Variants in SCO1 observed in about 807,000 individuals in gnomAD.
SCO1 encodes the protein cytochrome c oxidase assembly factor SCO1.
In SCO1, 23 loss-of-function variants were observed where a neutral mutation model predicts 34.0. The observed-to-expected ratio is 0.68, with a 90% CI of 0.49 to 0.96. The LOEUF (loss-of-function observed/expected upper bound fraction) is 0.96, where lower values mean the gene tolerates loss of function less well. SCO1 is among the 40% of genes least tolerant of loss of function. The pLI, the probability that SCO1 is intolerant of heterozygous loss-of-function variation, is 0.00. For missense variants in SCO1, 404 were observed against 381.6 expected (o/e 1.06, Z -0.49); for synonymous variants, 161 against 145.5 (o/e 1.11, Z -0.77).
intron 4 of SCO1, among the ~76,000 whole-genome samples, chr17:10,690,722 G>C (rs2074684502): frequency 6.6e-6 from 1 of 152,214 alleles, no homozygotes; most frequent in Non-Finnish European, 1.5e-5. Context: ...GTATATTGAA[G>C]AGGCGTCTGC....
chr17:10,684,564 A>C (rs1436968224), intron 5 of SCO1, among the ~76,000 whole-genome samples: 1 of 152,200 alleles, frequency 6.6e-6, no homozygotes, highest in African/African-American at 2.4e-5. Context: ...TAAGTTTTGC[A>C]GGCTGTTTGG....
chr17:10,696,389 G>A (rs888206779), intron 1 of SCO1, among the ~76,000 whole-genome samples: 6 of 152,122 alleles, frequency 3.9e-5, no homozygotes, highest in African/African-American at 1.4e-4. Context: ...ACGTTGCAGT[G>A]GGCCGAGATA....
At chr17:10,691,691 AC>A (rs2074689908) in intron 4 of SCO1, among the ~76,000 whole-genome samples, 180 bp downstream of exon 4, 1 of 152,146 alleles carries the variant, frequency 6.6e-6, no homozygotes, top group African/African-American at 2.4e-5. Flanking sequence ...GAATTGAGAA[AC>A]CCATTTCTTA....
Position 10,681,032 on chromosome 17 carries a change from T to C in SCO1, c.*87A>G. 2 of 1,451,644 alleles carry C rather than the reference T, an allele frequency of 1.4e-6. No homozygotes were observed. Among genetic ancestry groups the C allele is most frequent in the Non-Finnish European group, 9.7e-7 (1 of 1,032,956 alleles). The allele number at this position is 1,451,644 out of a possible 1,614,324, so 89.9% of individuals were successfully genotyped here. A position where few individuals can be genotyped will look rare whatever the true frequency, so the allele number is the denominator to read the frequency against. ...AAGGCCATTCTGTAGAGTGCACGTATATATGTTTATATTTATATAGGCTCC... is the reference window on the plus strand; with the variant it reads ...AAGGCCATTCTGTAGAGTGCACGTACATATGTTTATATTTATATAGGCTCC... On this transcript the variant is annotated 3_prime_UTR_variant, in exon 6 of 6. Coordinates refer to ENST00000255390, the MANE Select transcript of SCO1 (RefSeq NM_004589.4).
intron 4 of SCO1, among the ~76,000 whole-genome samples, 163 bp from the exon 5 acceptor site, chr17:10,687,005 A>AGAG (rs1736939127): frequency 6.6e-6 from 1 of 152,234 alleles, no homozygotes; most frequent in Non-Finnish European, 1.5e-5. Flanking sequence ...AGAAATTCAC[A>AGAG]AAGAACAAAT....
intron 4 of SCO1, among the ~76,000 whole-genome samples, chr17:10,687,823 G>C (rs139988124): frequency 6.6e-6 from 1 of 152,106 alleles, no homozygotes; most frequent in Non-Finnish European, 1.5e-5. Context: ...TGGTGTTTTG[G>C]TTAGGTACAG....
At chr17:10,695,600 T>C (rs566985321) in intron 2 of SCO1, 141 bp downstream of exon 2, 15 of 637,118 alleles carry the variant, frequency 2.4e-5, no homozygotes, top group South Asian at 2.2e-4. Context: ...GTGAAAGGTA[T>C]GTAGAACCTA....
rs2074659737 is a variant in SCO1, at chr17:10,686,830, T to A, written c.668A>T (p.Lys223Ile). 6.2e-7 allele frequency: 1 copy of A among 1,612,158 alleles called. No homozygotes were observed. ...IANYVKEFSP[K>I]LVGLTGTREE... The stretch of plus-strand genomic sequence containing the variant: ...TCTCGTGCCAGTCAAGCCAACCAGT[T>A]TGGGAGAAAATTCTAAATAAAAAAT... Residue 223 changes from lysine to isoleucine, a missense_variant, in exon 5 of 6, where the codon AAA becomes ATA. By Grantham distance (102) the Lys-to-Ile change is moderately radical. Coordinates refer to ENST00000255390, the MANE Select transcript of SCO1 (RefSeq NM_004589.4).
chr17:10,692,696 A>G (rs1243207086), intron 3 of SCO1, 68 bp downstream of exon 3: 8 of 1,258,218 alleles, frequency 6.4e-6, no homozygotes, highest in Non-Finnish European at 9.3e-6. Context: ...ACAATAATAC[A>G]AGGGTGTGAA....
At chr17:10,696,301 C>CG (rs2074725443) in intron 1 of SCO1, among the ~76,000 whole-genome samples, 1 of 151,824 alleles carries the variant, frequency 6.6e-6, no homozygotes, top group Non-Finnish European at 1.5e-5. Flanking sequence ...AAAAATTAGC[C>CG]GGGCGTGGTA....
chr17:10,683,181 G>C (rs2063269), intron 5 of SCO1, among the ~76,000 whole-genome samples: 3 of 151,928 alleles, frequency 2.0e-5, no homozygotes, highest in Non-Finnish European at 4.4e-5. Flanking sequence ...GTATCCTTCC[G>C]AAGAAATTCT....
chr17:10,688,534 T>A (rs1022484927), intron 4 of SCO1, among the ~76,000 whole-genome samples: 1 of 152,230 alleles, frequency 6.6e-6, no homozygotes, highest in African/African-American at 2.4e-5. Flanking sequence ...GACTCTCATA[T>A]ACTGCTGGCA....
intron 5 of SCO1, among the ~76,000 whole-genome samples, chr17:10,681,593 T>C (rs958209796): frequency 1.3e-5 from 2 of 152,238 alleles, no homozygotes; most frequent in African/African-American, 2.4e-5. Context: ...AAGCAGTCAA[T>C]GTTTGTGGAA....
At chr17:10,688,371 T>C (rs888250623) in intron 4 of SCO1, among the ~76,000 whole-genome samples, 2 of 152,152 alleles carry the variant, frequency 1.3e-5, no homozygotes, top group African/African-American at 4.8e-5. Context: ...GTAATACAGA[T>C]GGCAAATAAG....
rs528208326 is a variant in SCO1 at position 10,676,570 on chromosome 17, T to C, written c.*4549A>G. ...ACTTTTTGAATAAGTTTCCAAATTTTCACAATAAAAAGGAAAAAAAGAAAA... is the reference window on the plus strand; with the variant it reads ...ACTTTTTGAATAAGTTTCCAAATTTCCACAATAAAAAGGAAAAAAAGAAAA... On this transcript the variant is annotated 3_prime_UTR_variant, in exon 6 of 6. Coordinates refer to ENST00000255390, the MANE Select transcript of SCO1 (RefSeq NM_004589.4). 46 of 152,266 alleles carry C rather than the reference T, an allele frequency of 3.0e-4. No homozygotes were observed. The highest frequency in any genetic ancestry group is 1.1e-3 in the African/African-American group (45 of 41,552). The allele number at this position is 152,266 out of a possible 1,614,324, so 9.4% of individuals were successfully genotyped here.
intron 4 of SCO1, among the ~76,000 whole-genome samples, chr17:10,689,723 T>C (rs1308372046): frequency 6.6e-6 from 1 of 152,174 alleles, no homozygotes; most frequent in Non-Finnish European, 1.5e-5. Context: ...CTAAAATTCC[T>C]ATGAAACCAC....
At chr17:10,688,973 G>A (rs142510980) in intron 4 of SCO1, among the ~76,000 whole-genome samples, 1,922 of 148,450 alleles carry the variant, frequency 0.013, 77 homozygotes, top group Middle Eastern at 0.021. Flanking sequence ...AAAATTAGCC[G>A]GGCGTGGTAG....
chr17:10,695,103 T>G (rs953949606), intron 2 of SCO1, among the ~76,000 whole-genome samples: 1 of 152,188 alleles, frequency 6.6e-6, no homozygotes, highest in Non-Finnish European at 1.5e-5. Flanking sequence ...TCCAGAGCAG[T>G]TCCTGGCATT....
Position 10,676,565 on chromosome 17 carries a change from A to C in SCO1, c.*4554T>G, listed in dbSNP as rs1028345890. On this transcript the variant is annotated 3_prime_UTR_variant, in exon 6 of 6. Transcript: ENST00000255390. ...ATTCTACTTTTTGAATAAGTTTCCA[A>C]ATTTTCACAATAAAAAGGAAAAAAA... 3 of 152,182 alleles carry C rather than the reference A, an allele frequency of 2.0e-5. No homozygotes were observed. Among genetic ancestry groups the C allele is most frequent in the African/African-American group, 7.2e-5 (3 of 41,454 alleles). The allele number at this position is 152,182 out of a possible 1,614,324, so 9.4% of individuals were successfully genotyped here. A position where few individuals can be genotyped will look rare whatever the true frequency, so the allele number is the denominator to read the frequency against.
Sources: gnomAD v4.1 joint callset for allele counts (sites outside exome capture counted in the v4.1 genomes callset) on GRCh38, gnomAD v4.1.1 for gene constraint, MANE v1.5 for transcripts, NCBI Gene and HGNC (gene_info 2026-07-23, HGNC 2026-07-21) for gene names.